RNF212: variants seen among roughly 807,000 people sequenced by gnomAD.
RNF212 encodes probable E3 SUMO-protein ligase RNF212.
A neutral mutation model predicts 34.7 loss-of-function variants in RNF212; 33 were observed. That is an observed-to-expected ratio of 0.95 (90% CI 0.72 to 1.27). RNF212 has a LOEUF of 1.27. Ranked by LOEUF, RNF212 falls within the 50% of genes most tolerant of loss-of-function variation. RNF212 has a pLI of 0.00. For missense variants in RNF212, 377 were observed against 362.2 expected, an observed-to-expected ratio of 1.04 and a Z score of -0.33; for synonymous variants, 140 against 136.1, an observed-to-expected ratio of 1.03 and a Z score of -0.20.
At chr4:1,074,485 C>T (rs968392163) in intron 8 of RNF212, among the ~76,000 whole-genome samples, 1 of 152,210 alleles carries the variant, frequency 6.6e-6, no homozygotes, top group African/African-American at 2.4e-5. Context: ...TCCACAGGCC[C>T]TTCCAGTACA....
chr4:1,105,624 C>A (rs552391968), intron 2 of RNF212, among the ~76,000 whole-genome samples: 4 of 152,226 alleles, frequency 2.6e-5, no homozygotes, highest in Non-Finnish European at 5.9e-5. Context: ...AGACTGGAAA[C>A]CATCAGAGGG....
chr4:1,085,052 G>A (rs905359753), intron 5 of RNF212, among the ~76,000 whole-genome samples: 2 of 152,202 alleles, frequency 1.3e-5, no homozygotes, highest in African/African-American at 4.8e-5. Flanking sequence ...ACACGCTGGA[G>A]GCTCACCCAC....
At chr4:1,068,214 C>T (rs983324537), downstream of RNF212, among the ~76,000 whole-genome samples, 1 of 152,196 alleles carries the variant, frequency 6.6e-6, no homozygotes, top group African/African-American at 2.4e-5. Flanking sequence ...CCAAAACTTA[C>T]TGTAAAGCAA....
At chr4:1,060,578 C>T (rs948584855) in intron 3 of RNF212, among the ~76,000 whole-genome samples, 2 of 152,154 alleles carry the variant, frequency 1.3e-5, no homozygotes, top group Non-Finnish European at 2.9e-5. Flanking sequence ...CATCTTCCAG[C>T]GCAGCGGTCT....
intron 4 of RNF212, among the ~76,000 whole-genome samples, chr4:1,088,968 A>G (rs1348254227): frequency 6.6e-6 from 1 of 152,270 alleles, no homozygotes; most frequent in African/African-American, 2.4e-5. Flanking sequence ...TCTGCTGCAG[A>G]GGCAGAGCCC....
rs201861210 is a variant in RNF212 at position 1,096,873 on chromosome 4, T to C, written c.172-34A>G. On this transcript the variant is annotated intron_variant, in intron 2 of 9. Coordinates refer to ENST00000433731, the MANE Select transcript of RNF212 (RefSeq NM_001131034.4). The stretch of plus-strand genomic sequence containing the variant: ...GAAAGAAATGACTCTACATTTATTG[T>C]GTCTAATAAACGCTTCTGGCCCCCA... 5.5e-5 allele frequency: 83 copies of C among 1,495,868 alleles called. No individual in the cohort carries two copies. The East Asian group carries it at 1.6e-3, about 28-fold the overall frequency. 92.7% of individuals were successfully genotyped at this position (1,495,868 alleles called of 1,614,324 possible).
chr4:1,069,925 C>A (rs1406960793), downstream of RNF212, among the ~76,000 whole-genome samples: 2 of 152,272 alleles, frequency 1.3e-5, no homozygotes, highest in Non-Finnish European at 2.9e-5. Context: ...TCTGTGGTGA[C>A]AACTGACGGG....
chr4:1,099,629 G>A (rs1723617653), intron 2 of RNF212: 13 of 424,926 alleles, frequency 3.1e-5, no homozygotes, highest in South Asian at 2.0e-4. Context: ...AATCACAAAC[G>A]AATGTTTTCT....
intron 8 of RNF212, among the ~76,000 whole-genome samples, chr4:1,074,493 A>T (rs1718959054): frequency 6.6e-6 from 1 of 152,100 alleles, no homozygotes; most frequent in Non-Finnish European, 1.5e-5. Flanking sequence ...CCCTTCCAGT[A>T]CACCGTGGAA....
At chr4:1,101,102 A>C (rs1218242464) in intron 2 of RNF212, 1 of 161,078 alleles carries the variant, frequency 6.2e-6, no homozygotes, top group Non-Finnish European at 1.4e-5. Context: ...ATCTCTATTA[A>C]CAGGAATTGA....
intron 5 of RNF212, 121 bp from the exon 6 acceptor site, chr4:1,081,740 C>T (rs549038128): frequency 2.4e-5 from 17 of 713,434 alleles, no homozygotes; most frequent in Admixed American, 4.6e-5. Flanking sequence ...GGTTTGCAAA[C>T]GGCATTTCAC....
intron 1 of RNF212, among the ~76,000 whole-genome samples, chr4:1,109,627 T>C (rs1162761179): frequency 2.0e-5 from 3 of 152,208 alleles, no homozygotes; most frequent in Non-Finnish European, 2.9e-5. Flanking sequence ...CTGGGTATTT[T>C]CTGCCCCATT....
At chr4:1,061,043 A>G (rs1434296293) in intron 3 of RNF212, among the ~76,000 whole-genome samples, 6 of 152,268 alleles carry the variant, frequency 3.9e-5, no homozygotes, top group Admixed American at 3.3e-4. Flanking sequence ...TTCAAGGCAG[A>G]CAACAAATCA....
At chr4:1,090,529 A>C (rs575845941) in intron 4 of RNF212, among the ~76,000 whole-genome samples, 1 of 152,164 alleles carries the variant, frequency 6.6e-6, no homozygotes, top group African/African-American at 2.4e-5. Flanking sequence ...GGCTGAGGGG[A>C]TAAGTGTGGC....
intron 2 of RNF212, chr4:1,107,429 C>T (rs1171594279): frequency 1.3e-5 from 2 of 151,740 alleles, no homozygotes; most frequent in African/African-American, 2.4e-5. Flanking sequence ...TCACTGTCAT[C>T]TCTGGGAAAC....
chr4:1,063,130 C>G (rs975216567), intron 3 of RNF212, among the ~76,000 whole-genome samples: 6 of 152,114 alleles, frequency 3.9e-5, no homozygotes, highest in East Asian at 1.9e-4. Context: ...GGCAATACCC[C>G]CTACATTGAT....
chr4:1,084,865 C>A (rs979839441), intron 5 of RNF212, among the ~76,000 whole-genome samples: 1 of 152,162 alleles, frequency 6.6e-6, no homozygotes, highest in African/African-American at 2.4e-5. Flanking sequence ...CTCTTAGAAC[C>A]CAAAATAACG....
chr4:1,071,310 T>G (rs1295850038), downstream of RNF212, among the ~76,000 whole-genome samples: 1 of 152,102 alleles, frequency 6.6e-6, no homozygotes, highest in Non-Finnish European at 1.5e-5. Context: ...ATTTTTTCTG[T>G]GTGCTTGAAG....
chr4:1,077,334 A>G (rs1177934678), intron 8 of RNF212, among the ~76,000 whole-genome samples: 1 of 152,246 alleles, frequency 6.6e-6, no homozygotes, highest in Admixed American at 6.5e-5. Flanking sequence ...CTGGTTCCTC[A>G]GCAATAATTT....
Sources: gnomAD v4.1 joint callset for allele counts (sites outside exome capture counted in the v4.1 genomes callset) on GRCh38, gnomAD v4.1.1 for gene constraint, MANE v1.5 for transcripts, NCBI Gene and HGNC (gene_info 2026-07-23, HGNC 2026-07-21) for gene names.